The following OR51B5 variants were observed in gnomAD, a reference collection of about 807,000 sequenced individuals.
OR51B5 encodes the protein olfactory receptor family 51 subfamily B member 5.
For missense variants in OR51B5, 456 were observed against 374.6 expected, an observed-to-expected ratio of 1.22 and a Z score of -1.79; for synonymous variants, 186 against 144.8, an observed-to-expected ratio of 1.28 and a Z score of -2.04.
At chr11:5,468,615 G>C in intron 1 of OR51B5, 1 of 454,736 alleles carries the variant, frequency 2.2e-6, no homozygotes, top group Admixed American at 2.4e-5. Flanking sequence ...TCAGGAGCAT[G>C]CCTCCCAAAT....
chr11:5,478,024 C>T (rs1311518918), intron 1 of OR51B5, among the ~76,000 whole-genome samples: 1 of 151,926 alleles, frequency 6.6e-6, no homozygotes, highest in East Asian at 1.9e-4. Context: ...TCAAGGAGGC[C>T]TGCCTGCCTC....
At chr11:5,438,992 G>A (rs538671535) in intron 1 of OR51B5, among the ~76,000 whole-genome samples, 7 of 152,264 alleles carry the variant, frequency 4.6e-5, no homozygotes, top group African/African-American at 7.2e-5. Flanking sequence ...AAAAGTCTCC[G>A]AAGACTTCCT....
chr11:5,346,740 T>G (rs1848997668), upstream of OR51B5: 1 of 135,936 alleles, frequency 7.4e-6, no homozygotes, highest in South Asian at 2.3e-4. Context: ...CCTTCACTTC[T>G]TCTCCGTATC....
intron 1 of OR51B5, among the ~76,000 whole-genome samples, chr11:5,413,957 G>A (rs1295556073): frequency 6.8e-6 from 1 of 146,732 alleles, no homozygotes; most frequent in Non-Finnish European, 1.5e-5. Context: ...TCCTCGAGAA[G>A]AGCAACTCCA....
chr11:5,434,864 G>A (rs2133771358), intron 1 of OR51B5, among the ~76,000 whole-genome samples: 1 of 152,238 alleles, frequency 6.6e-6, no homozygotes, highest in Non-Finnish European at 1.5e-5. Context: ...AAGTCCCATG[G>A]TCTTCCCTAT....
intron 1 of OR51B5, chr11:5,351,615 A>C (rs1370232317): frequency 3.8e-5 from 61 of 1,614,066 alleles, no homozygotes; most frequent in Non-Finnish European, 4.9e-5. Flanking sequence ...ACATCTCCAT[A>C]CTTCTTGGCA....
chr11:5,453,028 C>T (rs1042005750), intron 1 of OR51B5, among the ~76,000 whole-genome samples: 1 of 152,152 alleles, frequency 6.6e-6, no homozygotes, highest in Non-Finnish European at 1.5e-5. Context: ...ATTTGTGATA[C>T]ATATGAATTA....
At chr11:5,463,824 A>C (rs113636533) in intron 1 of OR51B5, among the ~76,000 whole-genome samples, 1,712 of 152,350 alleles carry the variant, frequency 0.011, 31 homozygotes, top group African/African-American at 0.039. Flanking sequence ...ATGTCAACAT[A>C]TCCTGAGATT....
At chr11:5,414,598 C>A (rs7119208) in intron 1 of OR51B5, among the ~76,000 whole-genome samples, 1 of 135,754 alleles carries the variant, frequency 7.4e-6, no homozygotes. Context: ...ATCTACCAAG[C>A]AAATGGAAAA....
intron 1 of OR51B5, among the ~76,000 whole-genome samples, chr11:5,377,993 G>C (rs1228055885): frequency 4.6e-5 from 7 of 151,540 alleles, no homozygotes; most frequent in Admixed American, 2.0e-4. Flanking sequence ...AAAAGAGCCT[G>C]CATTGCCAAG....
At chr11:5,414,643 A>C (rs1296661417) in intron 1 of OR51B5, among the ~76,000 whole-genome samples, 1 of 152,120 alleles carries the variant, frequency 6.6e-6, no homozygotes, top group Non-Finnish European at 1.5e-5. Context: ...CTAGTCTCTG[A>C]TAAAACAGAC....
downstream of OR51B5, chr11:5,340,640 C>T (rs1168974511): frequency 1.3e-5 from 2 of 152,044 alleles, no homozygotes; most frequent in Non-Finnish European, 2.9e-5. Flanking sequence ...GTACTACAAG[C>T]ATGACGGAAT....
At chr11:5,343,000 T>A in exon 1 of OR51B5, 1 of 1,613,522 alleles carries the variant, frequency 6.2e-7, no homozygotes, top group Non-Finnish European at 8.5e-7. Flanking sequence ...GAAGGCAGAA[T>A]GCATGTGAAA....
chr11:5,388,841 G>C (rs1192053694), intron 1 of OR51B5, among the ~76,000 whole-genome samples: 1 of 151,960 alleles, frequency 6.6e-6, no homozygotes, highest in Admixed American at 6.6e-5. Flanking sequence ...AAACAGACTT[G>C]AGGTATTCAG....
chr11:5,439,534 T>C (rs1564813652), intron 1 of OR51B5, among the ~76,000 whole-genome samples: 2 of 152,182 alleles, frequency 1.3e-5, no homozygotes, highest in Admixed American at 1.3e-4. Flanking sequence ...GTTCTCAACC[T>C]TTAATAGATA....
chr11:5,397,052 C>T (rs1446134965), intron 1 of OR51B5, among the ~76,000 whole-genome samples: 2 of 152,102 alleles, frequency 1.3e-5, no homozygotes, highest in African/African-American at 4.8e-5. Context: ...CAAAAATTAA[C>T]TCAAGATGGA....
At chr11:5,344,899 TATA>T (rs1848966657), upstream of OR51B5, among the ~76,000 whole-genome samples, 1 of 152,166 alleles carries the variant, frequency 6.6e-6, no homozygotes, top group Admixed American at 6.5e-5. Flanking sequence ...TACAAGATAG[TATA>T]GCAGTTTGAG....
chr11:5,386,632 A>C (rs900619194), intron 1 of OR51B5, among the ~76,000 whole-genome samples: 1 of 151,994 alleles, frequency 6.6e-6, no homozygotes, highest in Non-Finnish European at 1.5e-5. Flanking sequence ...TACTTTCTGC[A>C]TAATCTCGGT....
chr11:5,358,759 A>G (rs1320838044), intron 1 of OR51B5, among the ~76,000 whole-genome samples: 1 of 152,210 alleles, frequency 6.6e-6, no homozygotes, highest in Non-Finnish European at 1.5e-5. Context: ...ATACTGGCAA[A>G]GCAAATCCAG....
Sources: gnomAD v4.1 joint callset for allele counts (sites outside exome capture counted in the v4.1 genomes callset) on GRCh38, gnomAD v4.1.1 for gene constraint, MANE v1.5 for transcripts, NCBI Gene and HGNC (gene_info 2026-07-23, HGNC 2026-07-21) for gene names.